Variants in SYT16 observed in about 807,000 individuals in gnomAD.
SYT16 encodes synaptotagmin 16.
Under a neutral mutation model 61.4 loss-of-function variants are expected in SYT16, and 42 were observed. The observed-to-expected ratio is 0.68, with a 90% CI of 0.53 to 0.89. The LOEUF (loss-of-function observed/expected upper bound fraction) is 0.89. SYT16 is among the 40% of genes least tolerant of loss of function. The pLI, the probability that SYT16 is intolerant of heterozygous loss-of-function variation, is 0.00. For synonymous variants in SYT16, 314 were observed against 302.3 expected (o/e 1.04, Z -0.40); for missense variants, 804 against 807.3 (o/e 1.00, Z 0.05).
chr14:61,859,802 A>C (rs970342664), intron 1 of SYT16, among the ~76,000 whole-genome samples: 1 of 152,152 alleles, frequency 6.6e-6, no homozygotes, highest in African/African-American at 2.4e-5. Context: ...CTCCAAGCGA[A>C]CTATATTATA....
rs78163128 is a variant in SYT16 at position 61,841,376 on chromosome 14, A to G, written c.-325+28566A>G. On this transcript the variant is annotated intron_variant, in intron 1 of 7. Coordinates refer to ENST00000683842, the MANE Select transcript of SYT16 (RefSeq NM_001367656.1). ...GCTAACTGAATCTGGTTACAGGAAAAAGAAATGATTTTATCCTGTGTCACT... is the reference window on the plus strand; with the variant it reads ...GCTAACTGAATCTGGTTACAGGAAAGAGAAATGATTTTATCCTGTGTCACT... Among the ~76,000 whole-genome samples the G allele has an allele frequency of 9.0e-3, 1,373 of 152,328 alleles. 10 individuals are homozygous for G. Among genetic ancestry groups the G allele is most frequent in the Non-Finnish European group, 0.014 (959 of 68,022 alleles).
chr14:61,882,060 T>A (rs1473899242), intron 1 of SYT16, among the ~76,000 whole-genome samples: 2 of 152,240 alleles, frequency 1.3e-5, no homozygotes, highest in Non-Finnish European at 1.5e-5. Context: ...GTTTTTGTTC[T>A]GAACTGTTCT....
At chr14:62,063,670 A>G (rs1244504331) in intron 3 of SYT16, among the ~76,000 whole-genome samples, 1 of 152,200 alleles carries the variant, frequency 6.6e-6, no homozygotes, top group East Asian at 1.9e-4. Flanking sequence ...TTTGGAAGAT[A>G]AAGATGGAAT....
rs890076029 is a variant in SYT16, at chr14:62,111,917, T to A, written c.*11210T>A. 6 of 152,140 alleles carry A rather than the reference T, an allele frequency of 3.9e-5. No individual in the cohort carries two copies. The South Asian group carries it at 6.2e-4, about 16-fold the overall frequency. 9.4% of individuals were successfully genotyped at this position (152,140 alleles called of 1,614,324 possible). A position where few individuals can be genotyped will look rare whatever the true frequency, so the allele number is the denominator to read the frequency against. Reference sequence around the variant, plus strand: ...GTGTCTCTTATTAAAGAAGCATGAATGTATCACTAGCTGTTACCAGAACAA... The same window carrying A: ...GTGTCTCTTATTAAAGAAGCATGAAAGTATCACTAGCTGTTACCAGAACAA... On this transcript the variant is annotated 3_prime_UTR_variant, in exon 8 of 8. Coordinates refer to ENST00000683842, the MANE Select transcript of SYT16 (RefSeq NM_001367656.1).
At position 62,080,790 on chromosome 14, in the gene SYT16, G is replaced by T. The variant is rs374119309; in HGVS notation, c.994-44G>T. On this transcript the variant is annotated intron_variant, in intron 5 of 7. Transcript: ENST00000683842. Reference sequence around the variant, plus strand: ...CACCAACTGGCCAAAATGTAATTGGGTATCATCATTTCCATTTCTAATTGT... The same window carrying T: ...CACCAACTGGCCAAAATGTAATTGGTTATCATCATTTCCATTTCTAATTGT... 9.3e-4 allele frequency: 1,432 copies of T among 1,541,984 alleles called. 24 individuals carry two copies. In the South Asian group the frequency reaches 0.016, roughly 17 times the overall value.
chr14:62,006,130 A>T (rs1382182497), intron 3 of SYT16, among the ~76,000 whole-genome samples: 2 of 152,110 alleles, frequency 1.3e-5, no homozygotes, highest in Non-Finnish European at 1.5e-5. Context: ...GGCCCTATAA[A>T]ACTAGGATAT....
intron 1 of SYT16, among the ~76,000 whole-genome samples, chr14:61,903,618 TAATA>T (rs1419023443): frequency 6.6e-6 from 1 of 152,248 alleles, no homozygotes; most frequent in Non-Finnish European, 1.5e-5. Context: ...TGACTGGGCT[TAATA>T]AATATTAAGT....
intron 6 of SYT16, among the ~76,000 whole-genome samples, chr14:62,082,293 T>C (rs2056737254): frequency 6.6e-6 from 1 of 152,168 alleles, no homozygotes. Context: ...TCTGCTTAAA[T>C]GTCCAATGAT....
chr14:61,895,181 G>T (rs557114563), intron 1 of SYT16, among the ~76,000 whole-genome samples: 2 of 152,332 alleles, frequency 1.3e-5, no homozygotes, highest in South Asian at 4.1e-4. Flanking sequence ...GTAATGATTA[G>T]ATCGCACAGG....
At chr14:62,027,510 A>G (rs971486394) in intron 3 of SYT16, among the ~76,000 whole-genome samples, 1 of 152,172 alleles carries the variant, frequency 6.6e-6, no homozygotes, top group Non-Finnish European at 1.5e-5. Context: ...TGTTTCATTG[A>G]CTGTTTAAAA....
intron 7 of SYT16, among the ~76,000 whole-genome samples, chr14:62,090,914 TC>T (rs1325658841): frequency 6.6e-6 from 1 of 152,144 alleles, no homozygotes; most frequent in Non-Finnish European, 1.5e-5. Context: ...GGGAACCTCC[TC>T]TTTATAAAAC....
At chr14:61,901,394 G>A (rs921949704) in intron 1 of SYT16, among the ~76,000 whole-genome samples, 5 of 152,296 alleles carry the variant, frequency 3.3e-5, no homozygotes, top group African/African-American at 1.2e-4. Context: ...TTTGTTGCTA[G>A]TTACAGGTGA....
chr14:61,894,339 G>A (rs926548245), intron 1 of SYT16, among the ~76,000 whole-genome samples: 2 of 149,750 alleles, frequency 1.3e-5, no homozygotes, highest in African/African-American at 2.5e-5. Flanking sequence ...TTCTCTCTCC[G>A]TACCCACCCC....
chr14:62,081,107 C>G lies in SYT16; in HGVS notation c.1267C>G (p.Leu423Val), dbSNP rs369291060. The G allele has an allele frequency of 6.2e-7, 1 of 1,613,930 alleles. No individual in the cohort carries two copies. Among genetic ancestry groups the G allele is most frequent in the South Asian group, 1.1e-5 (1 of 91,046 alleles). The stretch of plus-strand genomic sequence containing the variant: ...CAGGGAGAAGGTCACCTTTGCCAAG[C>G]TGGAGCCCAGAGATGTGGCTGCCTG... ...VFREKVTFAK[L>V]EPRDVAACAV... is the part of the protein sequence containing the mutation. Residue 423 changes from leucine to valine, a missense_variant, in exon 6 of 8, where the codon CTG becomes GTG. Leu to Val is a conservative substitution (Grantham distance 32). Transcript: ENST00000683842.
intron 1 of SYT16, among the ~76,000 whole-genome samples, chr14:61,895,021 A>G (rs1024297431): frequency 6.6e-6 from 1 of 152,016 alleles, no homozygotes; most frequent in African/African-American, 2.4e-5. Flanking sequence ...CAGCTGCCTC[A>G]CTCCTCAGCT....
In SYT16 at chr14:61,929,703, A is replaced by G. The variant is rs187102406; in HGVS notation, c.-324-40429A>G. Among the ~76,000 whole-genome samples, 90 of 152,332 alleles carry G rather than the reference A, an allele frequency of 5.9e-4. 1 individual carries two copies. Among genetic ancestry groups the G allele is most frequent in the African/African-American group, 2.1e-3 (86 of 41,574 alleles). ...TGGGAAGCTGAGTTTGGGTAATCAA[A>G]TTGGTTTTCTTATTTTTCTCTACGC... On this transcript the variant is annotated intron_variant, in intron 1 of 7. Transcript: ENST00000683842.
At chr14:61,987,429 G>A (rs1395980020) in intron 2 of SYT16, among the ~76,000 whole-genome samples, 1 of 152,136 alleles carries the variant, frequency 6.6e-6, no homozygotes, top group East Asian at 1.9e-4. Flanking sequence ...TTCATTTTGT[G>A]GAAATGAGGT....
chr14:61,827,760 A>G (rs534360793), intron 1 of SYT16, among the ~76,000 whole-genome samples: 1 of 152,310 alleles, frequency 6.6e-6, no homozygotes, highest in Non-Finnish European at 1.5e-5. Context: ...CACTGTACAT[A>G]CTGAACTTCT....
chr14:61,864,195 A>G (rs1052159372), intron 1 of SYT16, among the ~76,000 whole-genome samples: 1 of 152,228 alleles, frequency 6.6e-6, no homozygotes, highest in African/African-American at 2.4e-5. Context: ...CACTATTATG[A>G]ATAAAACTAT....
Sources: allele counts gnomAD v4.1 joint callset (sites outside exome capture counted in the v4.1 genomes callset), GRCh38; gene constraint gnomAD v4.1.1; transcripts MANE v1.5; gene names NCBI Gene and HGNC (gene_info 2026-07-23, HGNC 2026-07-21).